The following UBE2E1 variants were observed in gnomAD, a reference collection of about 807,000 sequenced individuals.
UBE2E1 encodes ubiquitin-conjugating enzyme E2 E1.
In UBE2E1, 6 loss-of-function variants were observed where a neutral mutation model predicts 21.4. The observed-to-expected ratio is 0.28, with a 90% CI of 0.15 to 0.55. The LOEUF is 0.55. Ranked by LOEUF, UBE2E1 falls within the 20% of genes least tolerant of loss-of-function variation. The pLI, the probability that UBE2E1 is intolerant of heterozygous loss-of-function variation, is 0.93. For missense variants in UBE2E1, 142 were observed against 236.5 expected, an observed-to-expected ratio of 0.60 and a Z score of 2.62; for synonymous variants, 87 against 82.7, an observed-to-expected ratio of 1.05 and a Z score of -0.28.
chr3:23,850,681 G>GTTTTT (rs550418701), intron 3 of UBE2E1, among the ~76,000 whole-genome samples: 4 of 104,304 alleles, frequency 3.8e-5, no homozygotes, highest in Non-Finnish European at 6.0e-5. Flanking sequence ...ACACCTGATT[G>GTTTTT]TTTTTTTTTT....
At chr3:23,852,742 C>CGT (rs1305922486) in intron 3 of UBE2E1, among the ~76,000 whole-genome samples, 2 of 151,652 alleles carry the variant, frequency 1.3e-5, no homozygotes, top group Non-Finnish European at 2.9e-5. Context: ...CTTACAGGCA[C>CGT]GTGCCACTGC....
chr3:23,879,122 G>T, intron 3 of UBE2E1: 1 of 540,722 alleles, frequency 1.8e-6, no homozygotes, highest in East Asian at 5.6e-5. Context: ...ATAAGTAGAG[G>T]GACTGCTTGG....
At chr3:23,881,168 C>T (rs1464146258) in intron 3 of UBE2E1, among the ~76,000 whole-genome samples, 1 of 152,286 alleles carries the variant, frequency 6.6e-6, no homozygotes, top group African/African-American at 2.4e-5. Context: ...GGCTCATGGC[C>T]ATCCCCGCTC....
Position 23,891,053 on chromosome 3 carries a change from T to G in UBE2E1, c.*447T>G, listed in dbSNP as rs1265174129. The G allele has an allele frequency of 6.5e-6, 1 of 153,190 alleles. No homozygotes were observed. Among genetic ancestry groups the G allele is most frequent in the Non-Finnish European group, 1.5e-5 (1 of 68,464 alleles). 9.5% of individuals were successfully genotyped at this position (153,190 alleles called of 1,614,324 possible). ...TTAACAGAGTTTTTAGAGATTGTCATCTCATATATATAAAATGGACACGTG... is the reference window on the plus strand; with the variant it reads ...TTAACAGAGTTTTTAGAGATTGTCAGCTCATATATATAAAATGGACACGTG... On this transcript the variant is annotated 3_prime_UTR_variant, in exon 6 of 6. Coordinates refer to ENST00000306627, the MANE Select transcript of UBE2E1 (RefSeq NM_003341.5).
rs1370072629 is a variant in UBE2E1, at chr3:23,836,151, AAGTT to A, written c.203+24643_203+24646del. ...AGATGAAATACATTGAAACAGCAAG[AAGTT>A]AAAGCATTTTAAAAAGCCTTGTGAA... On this transcript the variant is annotated intron_variant, in intron 3 of 5. Coordinates refer to ENST00000306627, the MANE Select transcript of UBE2E1 (RefSeq NM_003341.5). This position sits in a 1 kb window ranked among gnomAD's most constrained non-coding sequence, Gnocchi z 4.1. Among the ~76,000 whole-genome samples, 1 of 152,256 alleles carries A rather than the reference AAGTT, an allele frequency of 6.6e-6. No homozygotes were observed. The highest frequency in any genetic ancestry group is 6.5e-5 in the Admixed American group (1 of 15,290).
chr3:23,859,193 C>T (rs1001840324), intron 3 of UBE2E1, among the ~76,000 whole-genome samples: 1 of 152,160 alleles, frequency 6.6e-6, no homozygotes, highest in Non-Finnish European at 1.5e-5. Context: ...GAGGCCAGAT[C>T]CTTCTGCTCT....
chr3:23,838,522 T>TCTTA (rs1226232594), intron 3 of UBE2E1, among the ~76,000 whole-genome samples: 2 of 152,046 alleles, frequency 1.3e-5, no homozygotes, highest in African/African-American at 4.8e-5. Flanking sequence ...TGAGATGGAG[T>TCTTA]CTTACCCTGT....
intron 3 of UBE2E1, among the ~76,000 whole-genome samples, chr3:23,881,560 CT>C (rs1275941065): frequency 2.6e-5 from 4 of 152,192 alleles, no homozygotes. Flanking sequence ...CCCAATCATA[CT>C]TTGGTTGGCT....
intron 3 of UBE2E1, among the ~76,000 whole-genome samples, chr3:23,832,802 G>C (rs1486456656): frequency 6.6e-6 from 1 of 152,160 alleles, no homozygotes; most frequent in Admixed American, 6.5e-5. Flanking sequence ...TAGCTAAGGC[G>C]GGTGGATTGC....
intron 3 of UBE2E1, among the ~76,000 whole-genome samples, chr3:23,869,724 C>CAAA (rs5847258): frequency 1.6e-4 from 12 of 76,874 alleles, no homozygotes; most frequent in African/African-American, 5.0e-4. Context: ...GACCCTGTGT[C>CAAA]AAAAAAAAAA....
chr3:23,845,733 A>T lies in UBE2E1; in HGVS notation c.203+34223A>T, dbSNP rs545018423. On this transcript the variant is annotated intron_variant, in intron 3 of 5. Transcript: ENST00000306627. ...GTAAATATTCTAGGCGTCATAGGCC[A>T]TTTGATCTCTGTTAGAACCGTTCAA... Among the ~76,000 whole-genome samples the T allele has an allele frequency of 2.0e-5, 3 of 152,224 alleles. No homozygotes were observed. The South Asian group carries it at 6.2e-4, about 32-fold the overall frequency.
At chr3:23,829,745 G>A (rs930400033) in intron 3 of UBE2E1, among the ~76,000 whole-genome samples, 2 of 152,184 alleles carry the variant, frequency 1.3e-5, no homozygotes, top group African/African-American at 4.8e-5. Flanking sequence ...GTTAGAAATG[G>A]GGACTTTGGT....
At chr3:23,820,433 C>G (rs145067315) in intron 3 of UBE2E1, among the ~76,000 whole-genome samples, 1,666 of 152,304 alleles carry the variant, frequency 0.011, 36 homozygotes, top group African/African-American at 0.038. Context: ...GATGATCAAC[C>G]TTTGGAAGGC....
chr3:23,834,723 C>T (rs751850641), intron 3 of UBE2E1, among the ~76,000 whole-genome samples: 5 of 151,830 alleles, frequency 3.3e-5, no homozygotes, highest in African/African-American at 9.7e-5. Context: ...AGCGAGACCC[C>T]GTCTCTAAAA....
chr3:23,866,004 T>G (rs1700648662), intron 3 of UBE2E1, among the ~76,000 whole-genome samples: 1 of 152,154 alleles, frequency 6.6e-6, no homozygotes, highest in African/African-American at 2.4e-5. Flanking sequence ...GACCAAGGAT[T>G]CGCCTGGGTG....
chr3:23,814,545 A>T (rs574542989), intron 3 of UBE2E1, among the ~76,000 whole-genome samples: 1 of 152,132 alleles, frequency 6.6e-6, no homozygotes, highest in South Asian at 2.1e-4. Flanking sequence ...CTCACTCTTC[A>T]TTTTGGTTAG....
At chr3:23,860,330 C>A (rs1446712548) in intron 3 of UBE2E1, among the ~76,000 whole-genome samples, 3 of 152,180 alleles carry the variant, frequency 2.0e-5, no homozygotes, top group African/African-American at 7.2e-5. Flanking sequence ...ATCTTTAGCG[C>A]TCTGGTTTTA....
At position 23,853,182 on chromosome 3, in the gene UBE2E1, C is replaced by T. The variant is rs1212581970; in HGVS notation, c.204-34385C>T. 9.2e-5 allele frequency among the ~76,000 whole-genome samples: 14 copies of T among 152,202 alleles called. No homozygotes were observed. Among genetic ancestry groups the T allele is most frequent in the South Asian group, 2.1e-4 (1 of 4,830 alleles). On this transcript the variant is annotated intron_variant, in intron 3 of 5. Transcript: ENST00000306627. The surrounding 1 kb of genome is among the most constrained non-coding windows in gnomAD (Gnocchi z 4.1). ...TGCTGGGATTACAGGCGTGAGCCAC[C>T]GCGCCCAGCTGCCTTATTTCTTTTT...
chr3:23,889,052 G>T, intron 4 of UBE2E1, 60 bp from the exon 5 acceptor site: 1 of 1,514,688 alleles, frequency 6.6e-7, no homozygotes, highest in South Asian at 1.3e-5. Flanking sequence ...TCATTCAGTT[G>T]AATATTTAGT....
Sources: allele counts gnomAD v4.1 joint callset (sites outside exome capture counted in the v4.1 genomes callset), GRCh38; gene constraint gnomAD v4.1.1; non-coding constraint Gnocchi (gnomAD v3.1); transcripts MANE v1.5; gene names NCBI Gene and HGNC (gene_info 2026-07-23, HGNC 2026-07-21).